The following LAMA2 variants were observed in gnomAD, a reference collection of about 807,000 sequenced individuals.
The protein encoded by LAMA2 is laminin subunit alpha-2.
LAMA2 carries 269 observed loss-of-function variants against 364.8 expected under a neutral mutation model. The ratio of observed to expected loss-of-function variants is 0.74; its 90% CI spans 0.67 to 0.82. The LOEUF (loss-of-function observed/expected upper bound fraction) is 0.82. Among genes scored for constraint, LAMA2 ranks in the 40% least tolerant of loss-of-function variants. LAMA2 has a pLI of 0.00. For synonymous variants in LAMA2, 1,379 were observed against 1,370.6 expected (o/e 1.01, Z -0.14); for missense variants, 3,807 against 3,873.2 (o/e 0.98, Z 0.45).
In LAMA2 at chr6:129,190,301, G is replaced by A; in HGVS notation, c.1564G>A (p.Gly522Arg). The change falls in exon 11 of 65, where the codon GGG becomes AGG. Residue 522 changes from glycine to arginine, a missense_variant. By Grantham distance (125) the Gly-to-Arg change is moderately radical (BLOSUM62 -2). This residue lies in a region of LAMA2 where 3,333 missense variants were observed against 3,345.7 expected (regional missense o/e 1.00). Transcript: ENST00000421865. ...WKGCDECFCSGVSNRCQSSYW... is the reference protein window; with the variant it reads ...WKGCDECFCSRVSNRCQSSYW... ...AGGCTGCGATGAGTGTTTCTGTTCA[G>A]GGGTTTCAAACAGATGTCAGAGTTC... 3.1e-6 allele frequency: 5 copies of A among 1,613,664 alleles called. No homozygotes were observed. In the South Asian group the frequency reaches 4.4e-5, roughly 14 times the overall value.
intron 37 of LAMA2, among the ~76,000 whole-genome samples, chr6:129,394,575 C>G (rs1475088451): frequency 6.6e-6 from 1 of 152,172 alleles, no homozygotes; most frequent in African/African-American, 2.4e-5. Context: ...TCCAGAAATA[C>G]TGCTGTGAGG....
chr6:129,168,563 T>G (rs1779914283), intron 9 of LAMA2, among the ~76,000 whole-genome samples: 1 of 150,202 alleles, frequency 6.7e-6, no homozygotes, highest in Non-Finnish European at 1.5e-5. Flanking sequence ...TTTTGGTTAC[T>G]GTAGACTTGT....
intron 1 of LAMA2, chr6:128,929,802 CCA>C (rs1482445864): frequency 5.8e-6 from 6 of 1,041,662 alleles, no homozygotes; most frequent in Non-Finnish European, 9.1e-6. Flanking sequence ...CCAACCACAC[CCA>C]CAGAGTCTTG....
intron 1 of LAMA2, among the ~76,000 whole-genome samples, chr6:129,031,004 G>A (rs1179610507): frequency 6.6e-6 from 1 of 152,112 alleles, no homozygotes; most frequent in African/African-American, 2.4e-5. Flanking sequence ...ATATGTGCTT[G>A]CTAAATGAAA....
At chr6:128,985,282 T>C (rs989984741) in intron 1 of LAMA2, among the ~76,000 whole-genome samples, 1 of 152,158 alleles carries the variant, frequency 6.6e-6, no homozygotes. Flanking sequence ...GTGCTGTTAC[T>C]AGCCTGAACA....
At chr6:129,457,175 GA>G (rs1418926373) in intron 48 of LAMA2, among the ~76,000 whole-genome samples, 2 of 152,050 alleles carry the variant, frequency 1.3e-5, no homozygotes, top group Non-Finnish European at 2.9e-5. Flanking sequence ...CAGAAAATGT[GA>G]AAAGCCAGGG....
rs761267338 is a variant in LAMA2 at position 129,427,847 on chromosome 6, T to C, written c.5961T>C (p.Asp1987=). The change falls in exon 41 of 65, where the codon GAT becomes GAC. Residue 1987 remains aspartate, a synonymous_variant. Transcript: ENST00000421865. ...ACGAAGCCAAGAAGTTAGCAAATGA[T>C]GTAAAAGGTCAGTGTGGCCATAGTT... is the stretch of plus-strand genomic sequence containing the variant. The part of the protein sequence containing the change: ...ILNEAKKLAN[D]VKENEDHLNG... 3 of 1,607,222 alleles carry C rather than the reference T, an allele frequency of 1.9e-6. No individual in the cohort carries two copies. The highest frequency in any genetic ancestry group is 1.7e-5 in the Admixed American group (1 of 60,006).
chr6:129,294,819 G>A (rs1387114524), intron 20 of LAMA2, among the ~76,000 whole-genome samples: 1 of 152,122 alleles, frequency 6.6e-6, no homozygotes, highest in African/African-American at 2.4e-5. Context: ...AGAGTTTTTA[G>A]TAAATGTTAG....
At chr6:129,513,031 A>C (rs1183055594) in intron 63 of LAMA2, among the ~76,000 whole-genome samples, 1 of 152,206 alleles carries the variant, frequency 6.6e-6, no homozygotes, top group Non-Finnish European at 1.5e-5. Context: ...ATTGATAATC[A>C]AATTCTAAAC....
intron 3 of LAMA2, among the ~76,000 whole-genome samples, chr6:129,079,120 A>T (rs185162920): frequency 7.2e-5 from 11 of 152,314 alleles, no homozygotes; most frequent in Admixed American, 2.6e-4. Context: ...TAATGCTATG[A>T]ACATGGGCAT....
chr6:129,464,220 C>A, intron 49 of LAMA2, 70 bp from the exon 50 acceptor site: 2 of 1,309,830 alleles, frequency 1.5e-6, no homozygotes, highest in South Asian at 1.2e-5. Flanking sequence ...CATTGCTATT[C>A]AGTGATGCAT....
At chr6:129,019,883 A>G (rs1184056750) in intron 1 of LAMA2, among the ~76,000 whole-genome samples, 1 of 152,178 alleles carries the variant, frequency 6.6e-6, no homozygotes, top group African/African-American at 2.4e-5. Flanking sequence ...CAGGAGTTCG[A>G]GACCAGCCTG....
At chr6:129,462,479 G>A (rs1353342918) in intron 49 of LAMA2, among the ~76,000 whole-genome samples, 1 of 151,920 alleles carries the variant, frequency 6.6e-6, no homozygotes, top group East Asian at 1.9e-4. Context: ...ACTTGGCAGT[G>A]TCAGCCCTTT....
chr6:129,126,421 A>T (rs144199118), intron 4 of LAMA2, among the ~76,000 whole-genome samples: 2 of 152,320 alleles, frequency 1.3e-5, no homozygotes, highest in African/African-American at 4.8e-5. Context: ...GTAAGATACC[A>T]CCTTAGTTTT....
At chr6:129,241,136 A>G (rs1785371930) in intron 12 of LAMA2, among the ~76,000 whole-genome samples, 1 of 152,194 alleles carries the variant, frequency 6.6e-6, no homozygotes, top group Non-Finnish European at 1.5e-5. Context: ...GGGTAGTACA[A>G]ATTTATCCCA....
chr6:129,046,603 G>T (rs1302195159), intron 1 of LAMA2, among the ~76,000 whole-genome samples: 1 of 152,160 alleles, frequency 6.6e-6, no homozygotes, highest in Non-Finnish European at 1.5e-5. Context: ...GATTTGGGTA[G>T]GGACACAGCC....
At chr6:129,487,810 G>A (rs1461356957) in intron 56 of LAMA2, among the ~76,000 whole-genome samples, 1 of 151,976 alleles carries the variant, frequency 6.6e-6, no homozygotes, top group Non-Finnish European at 1.5e-5. Context: ...GACAAATGAG[G>A]GATCATTTAT....
intron 1 of LAMA2, among the ~76,000 whole-genome samples, chr6:129,015,665 C>A (rs1785023403): frequency 1.3e-5 from 2 of 152,004 alleles, no homozygotes; most frequent in African/African-American, 4.8e-5. Context: ...TTAGAGCATT[C>A]CTCATTGTTC....
At chr6:128,963,707 A>T (rs1244290805) in intron 1 of LAMA2, among the ~76,000 whole-genome samples, 1 of 152,044 alleles carries the variant, frequency 6.6e-6, no homozygotes, top group African/African-American at 2.4e-5. Flanking sequence ...TTGGCCTTTC[A>T]TGTATGCTTT....
Sources: gnomAD v4.1 joint callset for allele counts (sites outside exome capture counted in the v4.1 genomes callset) on GRCh38, gnomAD v4.1.1 for gene constraint, gnomAD v4.1.1 regional missense constraint, MANE v1.5 for transcripts, NCBI Gene and HGNC (gene_info 2026-07-23, HGNC 2026-07-21) for gene names.